DHRS12: variants seen among roughly 807,000 people sequenced by gnomAD.
DHRS12 encodes the protein dehydrogenase/reductase 12.
In DHRS12, 29 loss-of-function variants were observed where a neutral mutation model predicts 32.1. That is an observed-to-expected ratio of 0.90 (90% CI 0.67 to 1.23). DHRS12 has a LOEUF of 1.23. DHRS12 is among the 50% of genes most tolerant of loss of function. The pLI is 0.00. For missense variants in DHRS12, 330 were observed against 337.2 expected (o/e 0.98, Z 0.17); for synonymous variants, 150 against 135.9 (o/e 1.10, Z -0.72).
chr13:51,787,903 A>ATTATATAT (rs1270416674), intron 4 of DHRS12, among the ~76,000 whole-genome samples: 1 of 126,832 alleles, frequency 7.9e-6, no homozygotes, highest in East Asian at 2.0e-4. Flanking sequence ...AATATATATA[A>ATTATATAT]AAATATATAA....
chr13:51,774,410 AGTATTCTCCTACAGTATTCTCCTACAT>A (rs1954240119), intron 5 of DHRS12: 1 of 97,112 alleles, frequency 1.0e-5, no homozygotes, highest in Non-Finnish European at 1.9e-5. Context: ...TGTATTCTAC[AGTATTCTCCTACAGTATTCTCCTACAT>A]GTATTCTCCT....
chr13:51,767,776 TGGGGCGGGGGGG>T (rs1198631032), downstream of DHRS12: 1,166 of 32,138 alleles, frequency 0.036, 272 homozygotes, highest in African/African-American at 0.27. Flanking sequence ...AGCCCTCTCC[TGGGGCGGGGGGG>T]GGGGGGGGGT....
chr13:51,792,391 T>C (rs999572382), intron 2 of DHRS12, among the ~76,000 whole-genome samples: 1 of 152,142 alleles, frequency 6.6e-6, no homozygotes, highest in African/African-American at 2.4e-5. Context: ...TGGCCATTTG[T>C]TTTTTGTTTG....
chr13:51,763,923 A>G (rs987117575), downstream of DHRS12: 1 of 152,216 alleles, frequency 6.6e-6, no homozygotes, highest in Non-Finnish European at 1.5e-5. Flanking sequence ...TATTCACTAA[A>G]TGAGATTCCT....
chr13:51,802,193 ACACACACACACACACACACACACAC>A (rs1042054607), intron 1 of DHRS12, among the ~76,000 whole-genome samples: 4 of 142,318 alleles, frequency 2.8e-5, no homozygotes, highest in Non-Finnish European at 4.6e-5. Context: ...ACACACACAC[ACACACACACACACACACACACACAC>A]GACTTTCCCA....
rs757995104 is a variant in DHRS12 at position 51,773,967 on chromosome 13, G to A, written c.431C>T (p.Thr144Ile). The A allele has an allele frequency of 3.7e-6, 6 of 1,614,068 alleles. No individual in the cohort carries two copies. The highest frequency in any genetic ancestry group is 1.7e-4 in the Middle Eastern group (1 of 6,058). ...LNTNDLQSER[T>I]PFDGTMVYAQ... ...ATAGACCATAGTTCCATCAAATGGT[G>A]TTCTTTCGGACTGGAGATCATTGGT... is the stretch of plus-strand genomic sequence containing the variant. Residue 144 changes from threonine (T) to isoleucine (I), a missense_variant, in exon 6 of 9, where the codon ACA becomes ATA. Thr to Ile is a moderately conservative substitution (Grantham distance 89, BLOSUM62 -1). Transcript: ENST00000444610.
chr13:51,771,769 G>A (rs1954028746), intron 7 of DHRS12, 52 bp downstream of exon 7: 3 of 1,595,346 alleles, frequency 1.9e-6, no homozygotes, highest in Non-Finnish European at 2.6e-6. Flanking sequence ...CGGCTGCTCA[G>A]GTATTTTTAG....
downstream of DHRS12, chr13:51,766,678 G>C (rs1009751167): frequency 6.6e-6 from 1 of 152,198 alleles, no homozygotes. Flanking sequence ...TTTTTACTCC[G>C]CTCACTTTCC....
chr13:51,769,181 TGCGGCTGCG>T lies in DHRS12; in HGVS notation c.663_671del (p.Ala222_Ala224del). 3 of 1,554,188 alleles carry T rather than the reference TGCGGCTGCG, an allele frequency of 1.9e-6. No individual in the cohort carries two copies. The highest frequency in any genetic ancestry group is 2.6e-6 in the Non-Finnish European group (3 of 1,149,964). Reference sequence around the variant, plus strand: ...CTTGAAAGAAGCGGCCGCTGGGCTGTGCGGCTGCGGCAGAGGAGAGGGCCAGCCACAGCA... The same window carrying T: ...CTTGAAAGAAGCGGCCGCTGGGCTGTGCAGAGGAGAGGGCCAGCCACAGCA... On this transcript the variant is annotated inframe_deletion, in exon 8 of 9. Coordinates refer to ENST00000444610, the MANE Select transcript of DHRS12 (RefSeq NM_001377533.1).
intron 8 of DHRS12, 197 bp downstream of exon 8, chr13:51,768,959 A>C (rs1424577415): frequency 1.4e-6 from 2 of 1,404,364 alleles, no homozygotes; most frequent in Non-Finnish European, 9.2e-7. Flanking sequence ...AAGTCTCCAA[A>C]GAAGCTACCA....
At chr13:51,765,878 CAAG>C (rs749503988), downstream of DHRS12, 4 of 152,112 alleles carry the variant, frequency 2.6e-5, no homozygotes, top group African/African-American at 7.2e-5. Context: ...CTTTACAAGT[CAAG>C]AAGAGTATCT....
the DHRS12 span, chr13:51,758,127 C>T: frequency 1.5e-6 from 2 of 1,338,134 alleles, no homozygotes; most frequent in Non-Finnish European, 1.0e-6. Flanking sequence ...CTAATGTCAT[C>T]CTAGATCTCT....
intron 7 of DHRS12, 98 bp from the exon 8 acceptor site, chr13:51,769,391 A>C: frequency 8.6e-5 from 86 of 994,548 alleles, no homozygotes; most frequent in Middle Eastern, 3.0e-4. Context: ...CAAAAATGAA[A>C]TGGGATCATA....
intron 4 of DHRS12, among the ~76,000 whole-genome samples, chr13:51,778,935 G>GT (rs1954572951): frequency 6.6e-6 from 1 of 152,100 alleles, no homozygotes; most frequent in South Asian, 2.1e-4. Context: ...GTGGGTGTCT[G>GT]TGTATATATA....
In DHRS12 at chr13:51,799,602, CTT is replaced by C; in HGVS notation, c.56_57del (p.Glu19GlyfsTer34). 1 of 1,614,130 alleles carries C rather than the reference CTT, an allele frequency of 6.2e-7. No individual in the cohort carries two copies. The highest frequency in any genetic ancestry group is 8.5e-7 in the Non-Finnish European group (1 of 1,179,998). ...SLMTWRSRFL[E>X]ESFWSLEETA... ...GTTTCCTCCAGTGACCAAAAAGACT[CTT>C]CCAGGAATCTGGACCTCCAAGTCAT... On this transcript the variant is annotated frameshift_variant, in exon 2 of 9. Transcript: ENST00000444610. LOFTEE classifies it high-confidence loss of function.
rs1309904996 is a variant in DHRS12 at position 51,773,980 on chromosome 13, G to A, written c.418C>T (p.Gln140Ter). 6.2e-7 allele frequency: 1 copy of A among 1,614,102 alleles called. No homozygotes were observed. The highest frequency in any genetic ancestry group is 1.1e-5 in the South Asian group (1 of 91,084). ...LVQKLNTNDL[Q>*]SERTPFDGTM... Reference sequence around the variant, plus strand: ...CCATCAAATGGTGTTCTTTCGGACTGGAGATCATTGGTGTTCAGTTTCTGA... The same window carrying A: ...CCATCAAATGGTGTTCTTTCGGACTAGAGATCATTGGTGTTCAGTTTCTGA... Residue 140 changes from glutamine to a stop codon, truncating the protein, a stop_gained, in exon 6 of 9, where the codon CAG becomes TAG. Coordinates refer to ENST00000444610, the MANE Select transcript of DHRS12 (RefSeq NM_001377533.1). LOFTEE classifies it high-confidence loss of function.
chr13:51,787,723 CATAT>C (rs1421888398), intron 4 of DHRS12, among the ~76,000 whole-genome samples: 1 of 128,658 alleles, frequency 7.8e-6, no homozygotes, highest in East Asian at 2.1e-4. Context: ...TTATATAAAA[CATAT>C]ATACATATAA....
chr13:51,769,590 C>T (rs1294965176), intron 7 of DHRS12, among the ~76,000 whole-genome samples: 2 of 152,122 alleles, frequency 1.3e-5, no homozygotes, highest in Non-Finnish European at 2.9e-5. Flanking sequence ...GCAGAGCCCT[C>T]CCTTTCCATC....
At chr13:51,767,197 G>C (rs1422532189), downstream of DHRS12, 1 of 152,300 alleles carries the variant, frequency 6.6e-6, no homozygotes, top group African/African-American at 2.4e-5. Flanking sequence ...AATCACCGTT[G>C]AGGGGGTGGC....
Sources: gnomAD v4.1 joint callset for allele counts (sites outside exome capture counted in the v4.1 genomes callset) on GRCh38, gnomAD v4.1.1 for gene constraint, MANE v1.5 for transcripts, NCBI Gene and HGNC (gene_info 2026-07-23, HGNC 2026-07-21) for gene names.